Variants in SPOCK3 observed in about 807,000 individuals in gnomAD.
The protein encoded by SPOCK3 is SPARC (osteonectin), cwcv and kazal like domains proteoglycan 3.
Under a neutral mutation model 56.6 loss-of-function variants are expected in SPOCK3, and 30 were observed. That is an observed-to-expected ratio of 0.53 (90% CI 0.40 to 0.72). The LOEUF is 0.72. Among genes scored for constraint, SPOCK3 ranks in the 30% least tolerant of loss-of-function variants. The pLI is 0.00. For synonymous variants in SPOCK3, 196 were observed against 183.3 expected, an observed-to-expected ratio of 1.07 and a Z score of -0.56; for missense variants, 527 against 530.0, an observed-to-expected ratio of 0.99 and a Z score of 0.06.
At chr4:167,100,253 T>A (rs190103720) in intron 2 of SPOCK3, among the ~76,000 whole-genome samples, 1 of 152,148 alleles carries the variant, frequency 6.6e-6, no homozygotes, top group East Asian at 1.9e-4. Flanking sequence ...CGTCCTCTCT[T>A]TCTCTGACTG....
intron 1 of SPOCK3, 128 bp downstream of exon 1, chr4:167,234,322 G>T (rs1255688080): frequency 9.3e-6 from 7 of 753,076 alleles, no homozygotes; most frequent in Admixed American, 2.5e-5. Flanking sequence ...TCCCCTCCCC[G>T]CAGGCTTTAC....
intron 6 of SPOCK3, among the ~76,000 whole-genome samples, chr4:166,824,303 A>T (rs1745230552): frequency 6.6e-6 from 1 of 152,090 alleles, no homozygotes; most frequent in South Asian, 2.1e-4. Flanking sequence ...TCCCACTTAT[A>T]ACTAAAAAAG....
At position 167,065,014 on chromosome 4, in the gene SPOCK3, AT is replaced by A. The variant is rs199717517; in HGVS notation, c.190-2478del. 6.6e-3 allele frequency among the ~76,000 whole-genome samples: 644 copies of A among 98,158 alleles called. 12 individuals are homozygous for A. Among genetic ancestry groups the A allele is most frequent in the African/African-American group, 0.024 (603 of 25,074 alleles). 64.4% of individuals were successfully genotyped at this position (98,158 alleles called of 152,430 possible). A position where few individuals can be genotyped will look rare whatever the true frequency, so the allele number is the denominator to read the frequency against. ...ACAGCCATAAACTCCTCCTCCTCCTATTTTCAAATCCAATGCCCTCTCCAAA... is the reference window on the plus strand; with the variant it reads ...ACAGCCATAAACTCCTCCTCCTCCTATTTCAAATCCAATGCCCTCTCCAAA... On this transcript the variant is annotated intron_variant, in intron 2 of 10. Transcript: ENST00000357545.
At chr4:166,883,421 A>C (rs1733873207) in intron 6 of SPOCK3, among the ~76,000 whole-genome samples, 2 of 152,198 alleles carry the variant, frequency 1.3e-5, no homozygotes, top group Non-Finnish European at 2.9e-5. Context: ...CCCCACATCC[A>C]TTTACAAATA....
chr4:166,835,149 C>A (rs1746482314), intron 6 of SPOCK3, among the ~76,000 whole-genome samples: 2 of 152,164 alleles, frequency 1.3e-5, no homozygotes, highest in Non-Finnish European at 1.5e-5. Context: ...TGTTACTCAT[C>A]ACAGAATAGT....
intron 6 of SPOCK3, among the ~76,000 whole-genome samples, chr4:166,834,086 G>A (rs1484237618): frequency 6.6e-6 from 1 of 152,156 alleles, no homozygotes; most frequent in Admixed American, 6.5e-5. Flanking sequence ...GGGAGGAGGG[G>A]TGAGAGAAAT....
chr4:166,752,579 C>T (rs1305821287), intron 8 of SPOCK3, among the ~76,000 whole-genome samples: 1,024 of 9,574 alleles, frequency 0.11, 15 homozygotes, highest in African/African-American at 0.36. Context: ...TATATACACA[C>T]ACACACACAC....
Position 167,133,311 on chromosome 4 carries a change from T to G in SPOCK3, c.190-70774A>C, listed in dbSNP as rs975619303. ...GGATCCAAGGGATGCCAGCAGCACCTAGAAACTGGACAAGGCAAGGAAGAG... is the reference window on the plus strand; with the variant it reads ...GGATCCAAGGGATGCCAGCAGCACCGAGAAACTGGACAAGGCAAGGAAGAG... On this transcript the variant is annotated intron_variant, in intron 2 of 10. Transcript: ENST00000357545. Among the ~76,000 whole-genome samples the G allele has an allele frequency of 3.3e-5, 5 of 152,126 alleles. No individual in the cohort carries two copies. The South Asian group carries it at 8.3e-4, about 25-fold the overall frequency.
In SPOCK3 at chr4:167,209,765, TCAGA is replaced by T. The variant is rs201299965; in HGVS notation, c.189+24216_189+24219del. ...GGGACACTCAGACAACTGGGGACAC[TCAGA>T]CAGTTACAATATACAAAAAAAATTT... On this transcript the variant is annotated intron_variant, in intron 2 of 10. Coordinates refer to ENST00000357545, the MANE Select transcript of SPOCK3 (RefSeq NM_001040159.2). Among the ~76,000 whole-genome samples, 663 of 152,262 alleles carry T rather than the reference TCAGA, an allele frequency of 4.4e-3. 6 individuals are homozygous for T. The highest frequency in any genetic ancestry group is 0.015 in the African/African-American group (619 of 41,564).
At chr4:167,162,035 T>C (rs1324015488) in intron 2 of SPOCK3, among the ~76,000 whole-genome samples, 2 of 151,766 alleles carry the variant, frequency 1.3e-5, no homozygotes, top group Non-Finnish European at 2.9e-5. Context: ...AAACTTAAAG[T>C]ATAATAATAA....
chr4:167,199,701 A>AATAATG (rs1475471975), intron 2 of SPOCK3, among the ~76,000 whole-genome samples: 1 of 75,398 alleles, frequency 1.3e-5, no homozygotes, highest in Non-Finnish European at 2.5e-5. Context: ...AATAAATAAT[A>AATAATG]ATAATAATAA....
chr4:167,031,698 TA>T (rs1055127317), intron 3 of SPOCK3, among the ~76,000 whole-genome samples: 5 of 151,944 alleles, frequency 3.3e-5, no homozygotes, highest in Non-Finnish European at 7.4e-5. Flanking sequence ...AGAAAATAAT[TA>T]AAAATAGGGT....
chr4:167,216,400 G>A (rs927186263), intron 2 of SPOCK3, among the ~76,000 whole-genome samples: 1 of 152,120 alleles, frequency 6.6e-6, no homozygotes, highest in African/African-American at 2.4e-5. Flanking sequence ...GATCAAAAAA[G>A]TATTATTGGT....
intron 4 of SPOCK3, among the ~76,000 whole-genome samples, chr4:166,961,426 G>A (rs1029680903): frequency 1.3e-5 from 2 of 151,894 alleles, no homozygotes; most frequent in Admixed American, 6.6e-5. Context: ...ATTTAGTGGG[G>A]GGTCATAAAA....
intron 6 of SPOCK3, among the ~76,000 whole-genome samples, chr4:166,879,975 T>C (rs549242539): frequency 6.6e-6 from 1 of 152,296 alleles, no homozygotes; most frequent in Admixed American, 6.5e-5. Flanking sequence ...ATTGTAAATT[T>C]CCTGAGGCCT....
intron 3 of SPOCK3, among the ~76,000 whole-genome samples, chr4:167,057,101 T>C (rs2150233645): frequency 6.6e-6 from 1 of 152,304 alleles, no homozygotes; most frequent in Non-Finnish European, 1.5e-5. Context: ...GCAGAAACTC[T>C]ACAAGCCAGA....
At chr4:166,862,156 C>A (rs1269124946) in intron 6 of SPOCK3, among the ~76,000 whole-genome samples, 3 of 151,932 alleles carry the variant, frequency 2.0e-5, no homozygotes, top group African/African-American at 7.3e-5. Flanking sequence ...CAAGTAGGTT[C>A]AGATTGGATC....
chr4:166,983,870 C>A (rs540438500), intron 4 of SPOCK3, among the ~76,000 whole-genome samples: 20 of 152,006 alleles, frequency 1.3e-4, no homozygotes, highest in African/African-American at 4.3e-4. Context: ...TGGGTAGTAC[C>A]ATGTCTTACA....
intron 3 of SPOCK3, among the ~76,000 whole-genome samples, chr4:167,039,404 T>A (rs897570631): frequency 1.3e-5 from 2 of 152,166 alleles, no homozygotes; most frequent in Non-Finnish European, 2.9e-5. Context: ...TTACCTTACT[T>A]CATAGGTGAC....
Sources: gnomAD v4.1 joint callset for allele counts (sites outside exome capture counted in the v4.1 genomes callset) on GRCh38, gnomAD v4.1.1 for gene constraint, MANE v1.5 for transcripts, NCBI Gene and HGNC (gene_info 2026-07-23, HGNC 2026-07-21) for gene names.